Variants in PSG3 observed in about 807,000 individuals in gnomAD.
PSG3 encodes pregnancy specific beta-1-glycoprotein 3, also known as pregnancy-specific beta-1-glycoprotein 3.
Under a neutral mutation model 47.5 loss-of-function variants are expected in PSG3, and 61 were observed. The observed-to-expected ratio is 1.28, with a 90% CI of 1.05 to 1.59. The LOEUF is 1.59. Among genes scored for constraint, PSG3 ranks in the 40% most tolerant of loss-of-function variants. PSG3 has a pLI of 0.00. For synonymous variants in PSG3, 263 were observed against 198.4 expected (o/e 1.33, Z -2.74); for missense variants, 756 against 524.0 (o/e 1.44, Z -4.32).
chr19:42,734,950 T>C (rs981848465), intron 2 of PSG3, among the ~76,000 whole-genome samples: 1 of 152,224 alleles, frequency 6.6e-6, no homozygotes, highest in African/African-American at 2.4e-5. Flanking sequence ...TTTGTGTGAA[T>C]TAGAAAGAGT....
intron 5 of PSG3, among the ~76,000 whole-genome samples, chr19:42,725,916 A>T (rs1969371015): frequency 6.6e-6 from 1 of 151,604 alleles, no homozygotes; most frequent in South Asian, 2.1e-4. Context: ...AAAAGAAAAA[A>T]GAAAAATGAA....
At chr19:42,722,712 G>A (rs1177981819) in intron 6 of PSG3, among the ~76,000 whole-genome samples, 1 of 151,996 alleles carries the variant, frequency 6.6e-6, no homozygotes, top group East Asian at 1.9e-4. Flanking sequence ...CTGAGTTCTT[G>A]GTGTAGCCCA....
chr19:42,733,201 A>T, intron 2 of PSG3, 139 bp from the exon 3 acceptor site: 1 of 1,479,188 alleles, frequency 6.8e-7, no homozygotes, highest in East Asian at 2.3e-5. Flanking sequence ...GTGTGTTACA[A>T]GACAGATGCA....
At chr19:42,729,494 A>C in intron 4 of PSG3, 117 bp from the exon 5 acceptor site, 1 of 1,502,054 alleles carries the variant, frequency 6.7e-7, no homozygotes, top group Admixed American at 2.2e-5. Flanking sequence ...GTGCCAGCCA[A>C]ACCCCCTCTA....
intron 2 of PSG3, among the ~76,000 whole-genome samples, chr19:42,737,569 G>A (rs1325308094): frequency 1.3e-5 from 2 of 152,158 alleles, no homozygotes; most frequent in African/African-American, 2.4e-5. Flanking sequence ...GTTGAGGTAG[G>A]TGATTTAGTT....
At chr19:42,732,756 G>A in intron 3 of PSG3, 28 bp downstream of exon 3, 1 of 1,614,196 alleles carries the variant, frequency 6.2e-7, no homozygotes, top group African/African-American at 1.3e-5. Flanking sequence ...ATGGCAGACT[G>A]GCTCACAGAG....
intron 3 of PSG3, chr19:42,732,519 G>T: frequency 1.4e-5 from 11 of 811,946 alleles, no homozygotes; most frequent in Non-Finnish European, 2.1e-5. Flanking sequence ...TGTGTTCACT[G>T]ATCTGGAGCC....
intron 2 of PSG3, among the ~76,000 whole-genome samples, chr19:42,734,925 C>G (rs534990346): frequency 6.6e-6 from 1 of 152,178 alleles, no homozygotes; most frequent in African/African-American, 2.4e-5. Flanking sequence ...TCAGGAAACA[C>G]CACTAGTGTT....
Position 42,740,467 on chromosome 19 carries a change from G to C in PSG3, c.-83C>G. The stretch of plus-strand genomic sequence containing the variant: ...CCTGAGCATGGCTCTCAGCTGTGCT[G>C]TCCTTCCTCCTTCTGCGCTGAGCCT... On this transcript the variant is annotated 5_prime_UTR_variant, in exon 1 of 7. Transcript: ENST00000327495. 1 of 1,611,046 alleles carries C rather than the reference G, an allele frequency of 6.2e-7. No individual in the cohort carries two copies. The highest frequency in any genetic ancestry group is 2.2e-5 in the East Asian group (1 of 44,854).
At chr19:42,733,424 T>G in intron 2 of PSG3, 1 of 255,080 alleles carries the variant, frequency 3.9e-6, no homozygotes, top group East Asian at 7.5e-5. Flanking sequence ...TGCTGGAATC[T>G]TCTTAGTTTC....
chr19:42,724,885 A>C (rs1969351711), intron 5 of PSG3, among the ~76,000 whole-genome samples: 1 of 151,962 alleles, frequency 6.6e-6, no homozygotes, highest in African/African-American at 2.4e-5. Flanking sequence ...ATATATATAT[A>C]TATGGAAAAA....
chr19:42,729,358 T>A lies in PSG3; in HGVS notation c.1008A>T (p.Arg336Ser). 6.2e-7 allele frequency: 1 copy of A among 1,613,634 alleles called. No homozygotes were observed. Among genetic ancestry groups the A allele is most frequent in the Non-Finnish European group, 8.5e-7 (1 of 1,179,736 alleles). The change falls in exon 5 of 7, where the codon AGA becomes AGT. Residue 336 changes from arginine (R) to serine (S), a missense_variant. Arg to Ser is a moderately radical substitution (Grantham distance 110). Coordinates refer to ENST00000327495, the MANE Select transcript of PSG3 (RefSeq NM_021016.4). ...GGTAATAGGTGAATGAAGGGTAAAT[T>A]CTGGGGAGGTCTGGACCATCTGGAG... ...LNVLYGPDLPRIYPSFTYYHS... is the reference protein window; with the variant it reads ...LNVLYGPDLPSIYPSFTYYHS...
At chr19:42,739,836 A>G (rs1037852080) in intron 1 of PSG3, among the ~76,000 whole-genome samples, 2 of 152,082 alleles carry the variant, frequency 1.3e-5, no homozygotes, top group Admixed American at 6.5e-5. Context: ...AGATTTTCCT[A>G]CCTCTTACCA....
intron 3 of PSG3, chr19:42,732,023 G>C (rs1164143024): frequency 6.6e-6 from 1 of 152,074 alleles, no homozygotes; most frequent in Non-Finnish European, 1.5e-5. Flanking sequence ...CCTGTCCTGG[G>C]TTTTTGATTT....
chr19:42,730,151 C>T lies in PSG3; in HGVS notation c.710-95G>A. 7 of 1,560,876 alleles carry T rather than the reference C, an allele frequency of 4.5e-6. No homozygotes were observed. The South Asian group carries it at 4.9e-5, about 11-fold the overall frequency. Reference sequence around the variant, plus strand: ...AGAGTTGGCATCTCCCACCTCTCAGCCCACCCGAGTCCTTGAAAGCCAATA... The same window carrying T: ...AGAGTTGGCATCTCCCACCTCTCAGTCCACCCGAGTCCTTGAAAGCCAATA... On this transcript the variant is annotated intron_variant, in intron 3 of 6. Coordinates refer to ENST00000327495, the MANE Select transcript of PSG3 (RefSeq NM_021016.4).
At position 42,729,845 on chromosome 19, in the gene PSG3, G is replaced by C. The variant is rs377318657; in HGVS notation, c.921C>G (p.Pro307=). The change falls in exon 4 of 7, where the codon CCC becomes CCG. Residue 307 remains proline, a synonymous_variant. Transcript: ENST00000327495. The part of the protein sequence containing the change: ...LPSVTRNETG[P]YQCEIQDRYG... ...ATCGGTCCTGTATTTCACATTGATA[G>C]GGTCCTGTTTCATTTCTCGTGACAC... The C allele has an allele frequency of 8.4e-5, 136 of 1,613,374 alleles. No homozygotes were observed. Among genetic ancestry groups the C allele is most frequent in the Non-Finnish European group, 1.0e-4 (119 of 1,179,874 alleles).
intron 5 of PSG3, among the ~76,000 whole-genome samples, chr19:42,727,525 T>A (rs114148272): frequency 6.6e-6 from 1 of 152,198 alleles, no homozygotes; most frequent in African/African-American, 2.4e-5. Context: ...GCATCAGGAA[T>A]ACTTGGAGAT....
In PSG3 at chr19:42,729,142, G is replaced by A. The variant is rs1252194421; in HGVS notation, c.1224C>T (p.Ser408=). 1 of 1,613,880 alleles carries A rather than the reference G, an allele frequency of 6.2e-7. No individual in the cohort carries two copies. The highest frequency in any genetic ancestry group is 2.2e-5 in the East Asian group (1 of 44,902). ...ACTTACCAGAGACTTTGACTGTCATGGATTTGGAGCTTTCCATGCCAGTGG... is the reference window on the plus strand; with the variant it reads ...ACTTACCAGAGACTTTGACTGTCATAGATTTGGAGCTTTCCATGCCAGTGG... ...NSATGMESSK[S]MTVKVSAPSG... is the part of the protein sequence containing the mutation. Residue 408 remains serine, a synonymous_variant, in exon 5 of 7, where the codon TCC becomes TCT. Coordinates refer to ENST00000327495, the MANE Select transcript of PSG3 (RefSeq NM_021016.4).
chr19:42,733,644 G>C (rs550627396), intron 2 of PSG3: 1 of 156,802 alleles, frequency 6.4e-6, no homozygotes, highest in Non-Finnish European at 1.4e-5. Flanking sequence ...GGAGCCACAA[G>C]GTGGGGCAGT....
Sources: allele counts gnomAD v4.1 joint callset (sites outside exome capture counted in the v4.1 genomes callset), GRCh38; gene constraint gnomAD v4.1.1; transcripts MANE v1.5; gene names NCBI Gene and HGNC (gene_info 2026-07-23, HGNC 2026-07-21).